CFAP20DC: variants seen among roughly 807,000 people sequenced by gnomAD.
CFAP20DC encodes the protein protein CFAP20DC.
In CFAP20DC, 84 loss-of-function variants were observed where a neutral mutation model predicts 101.7. The observed-to-expected ratio is 0.83, with a 90% CI of 0.69 to 0.99. The LOEUF is 0.99. Among genes scored for constraint, CFAP20DC ranks in the 50% least tolerant of loss-of-function variants. The pLI, the probability that CFAP20DC is intolerant of heterozygous loss-of-function variation, is 0.00. For missense variants in CFAP20DC, 1,007 were observed against 970.3 expected, an observed-to-expected ratio of 1.04 and a Z score of -0.50; for synonymous variants, 359 against 351.2, an observed-to-expected ratio of 1.02 and a Z score of -0.25.
Position 58,890,728 on chromosome 3 carries a change from G to A in CFAP20DC, c.551-6019C>T, listed in dbSNP as rs1173234934. 4.0e-4 allele frequency among the ~76,000 whole-genome samples: 57 copies of A among 143,402 alleles called. 1 individual carries two copies. Among genetic ancestry groups the A allele is most frequent in the Non-Finnish European group, 3.8e-4 (25 of 65,410 alleles). The allele number at this position is 143,402 out of a possible 152,430, so 94.1% of individuals were successfully genotyped here. On this transcript the variant is annotated intron_variant, in intron 6 of 16. Coordinates refer to ENST00000482387, the MANE Select transcript of CFAP20DC (RefSeq NM_001394063.1). The stretch of plus-strand genomic sequence containing the variant: ...TCAGACGGGGCGGCCGGGCAGAGAC[G>A]CTCCTCACCTCCCAGACGGGGTTGC...
intron 14 of CFAP20DC, among the ~76,000 whole-genome samples, chr3:58,820,592 T>G (rs1030707762): frequency 1.3e-5 from 2 of 152,076 alleles, no homozygotes; most frequent in African/African-American, 2.4e-5. Flanking sequence ...ACAAGGGATG[T>G]GAAGGACCTC....
chr3:58,726,392 A>G (rs572217870), intron 3 of CFAP20DC: 5 of 152,820 alleles, frequency 3.3e-5, no homozygotes, highest in Admixed American at 3.3e-4. Context: ...GGGGCACTCT[A>G]CTTATCATAG....
chr3:59,010,802 T>C (rs1223092100), intron 4 of CFAP20DC, among the ~76,000 whole-genome samples: 3 of 152,174 alleles, frequency 2.0e-5, no homozygotes, highest in Non-Finnish European at 4.4e-5. Flanking sequence ...AAACACCATA[T>C]AATAGGCCAA....
At chr3:58,991,252 T>C (rs2092927548) in intron 4 of CFAP20DC, among the ~76,000 whole-genome samples, 1 of 152,158 alleles carries the variant, frequency 6.6e-6, no homozygotes, top group Admixed American at 6.6e-5. Context: ...CAAATACTCA[T>C]CAGTAACCAT....
intron 4 of CFAP20DC, among the ~76,000 whole-genome samples, chr3:58,970,203 G>C (rs1037400462): frequency 6.6e-6 from 1 of 152,052 alleles, no homozygotes; most frequent in African/African-American, 2.4e-5. Context: ...GGGTTGAACT[G>C]TGTCCCCCAC....
Position 58,859,152 on chromosome 3 carries a change from C to A in CFAP20DC, c.1593+4406G>T, listed in dbSNP as rs2079057373. Among the ~76,000 whole-genome samples, 1 of 152,078 alleles carries A rather than the reference C, an allele frequency of 6.6e-6. No homozygotes were observed. Among genetic ancestry groups the A allele is most frequent in the African/African-American group, 2.4e-5 (1 of 41,412 alleles). On this transcript the variant is annotated intron_variant, in intron 12 of 16. Transcript: ENST00000482387. This position sits in a 1 kb window ranked among gnomAD's most constrained non-coding sequence, Gnocchi z 4.1. ...AAACAAATAAAATAAAAGGAAGATACCACAGTTTTAAACAAGTAACTAACC... is the reference window on the plus strand; with the variant it reads ...AAACAAATAAAATAAAAGGAAGATAACACAGTTTTAAACAAGTAACTAACC...
In CFAP20DC at chr3:58,937,740, T is replaced by G; in HGVS notation, c.301A>C (p.Lys101Gln). 6.2e-7 allele frequency: 1 copy of G among 1,602,252 alleles called. No individual in the cohort carries two copies. The highest frequency in any genetic ancestry group is 8.6e-7 in the Non-Finnish European group (1 of 1,169,506). ...ACCGTTGATAAATATAATCTTCTTTTGATGTTCCCTAAATCAGTAATTCTG... is the reference window on the plus strand; with the variant it reads ...ACCGTTGATAAATATAATCTTCTTTGGATGTTCCCTAAATCAGTAATTCTG... Reference protein sequence around the residue: ...ELLITDLGNIKRRLYLSTVHK... With the variant: ...ELLITDLGNIQRRLYLSTVHK... The change falls in exon 5 of 17, where the codon AAA (lysine) becomes CAA (glutamine). Residue 101 changes from lysine (K) to glutamine (Q), a missense_variant. Lys to Gln is a moderately conservative substitution (Grantham distance 53). Coordinates refer to ENST00000482387, the MANE Select transcript of CFAP20DC (RefSeq NM_001394063.1).
chr3:58,807,249 G>A (rs779199950), intron 14 of CFAP20DC, among the ~76,000 whole-genome samples: 1 of 152,166 alleles, frequency 6.6e-6, no homozygotes, highest in South Asian at 2.1e-4. Context: ...TCTGAGAATG[G>A]GCAGACTGCC....
chr3:58,833,242 T>TA (rs1047690749), intron 13 of CFAP20DC, among the ~76,000 whole-genome samples: 1 of 152,202 alleles, frequency 6.6e-6, no homozygotes, highest in African/African-American at 2.4e-5. Flanking sequence ...GAAACTCAGT[T>TA]AAATCCTTAT....
chr3:59,028,896 T>A (rs1014691506), intron 4 of CFAP20DC, among the ~76,000 whole-genome samples: 1 of 152,176 alleles, frequency 6.6e-6, no homozygotes, highest in Non-Finnish European at 1.5e-5. Context: ...ATTATTACTC[T>A]CACCCCATAA....
chr3:58,848,920 C>T, intron 13 of CFAP20DC, 112 bp downstream of exon 13: 3 of 1,272,118 alleles, frequency 2.4e-6, no homozygotes, highest in Non-Finnish European at 3.2e-6. Context: ...GAAAATACAA[C>T]ACTCATCACC....
At chr3:58,825,540 C>CACACACACA (rs1464845191) in intron 14 of CFAP20DC, among the ~76,000 whole-genome samples, 2 of 151,084 alleles carry the variant, frequency 1.3e-5, no homozygotes, top group Non-Finnish European at 3.0e-5. Flanking sequence ...AAAAAGAAAA[C>CACACACACA]ACACACACAC....
chr3:58,833,237 T>G lies in CFAP20DC; in HGVS notation c.1972-1348A>C, dbSNP rs764882073. On this transcript the variant is annotated intron_variant, in intron 13 of 16. Transcript: ENST00000482387. ...TTCCTAAAAAGTTGCCAGTGGAAAC[T>G]CAGTTAAATCCTTATAGTTCATGGC... Among the ~76,000 whole-genome samples the G allele has an allele frequency of 7.7e-4, 118 of 152,312 alleles. 1 individual carries two copies. The highest frequency in any genetic ancestry group is 1.3e-4 in the Non-Finnish European group (9 of 68,032).
intron 6 of CFAP20DC, among the ~76,000 whole-genome samples, chr3:58,888,684 G>T (rs1341331724): frequency 6.6e-6 from 1 of 152,210 alleles, no homozygotes; most frequent in Non-Finnish European, 1.5e-5. Flanking sequence ...GCATTAGTTT[G>T]CTGAGGATAA....
intron 6 of CFAP20DC, among the ~76,000 whole-genome samples, chr3:58,891,448 G>A (rs1187181572): frequency 2.0e-5 from 3 of 151,030 alleles, no homozygotes; most frequent in Non-Finnish European, 3.0e-5. Context: ...AGAGGGAGAG[G>A]GAGAGGGAGA....
intron 4 of CFAP20DC, among the ~76,000 whole-genome samples, chr3:58,969,100 G>T (rs2091783513): frequency 6.6e-6 from 1 of 152,078 alleles, no homozygotes; most frequent in East Asian, 1.9e-4. Flanking sequence ...ATGCGTTTTG[G>T]TTACTGTAGC....
intron 6 of CFAP20DC, among the ~76,000 whole-genome samples, chr3:58,890,157 A>G (rs2082037860): frequency 1.4e-5 from 2 of 145,688 alleles, no homozygotes; most frequent in African/African-American, 5.2e-5. Flanking sequence ...CACCTCCCGG[A>G]CGGGGCGGCT....
chr3:58,753,943 T>C (rs1205902808), intron 15 of CFAP20DC, 80 bp from the exon 16 acceptor site: 2 of 914,574 alleles, frequency 2.2e-6, no homozygotes, highest in Non-Finnish European at 3.4e-6. Flanking sequence ...TTCAGTTCCT[T>C]GGGGCTTCCA....
chr3:59,011,495 C>T (rs2093582951), intron 4 of CFAP20DC, among the ~76,000 whole-genome samples: 1 of 148,830 alleles, frequency 6.7e-6, no homozygotes, highest in Non-Finnish European at 1.5e-5. Context: ...CAAACCCAAA[C>T]TCAGCAGAAG....
Sources: gnomAD v4.1 joint callset for allele counts (sites outside exome capture counted in the v4.1 genomes callset) on GRCh38, gnomAD v4.1.1 for gene constraint, Gnocchi (gnomAD v3.1) non-coding constraint, MANE v1.5 for transcripts, NCBI Gene and HGNC (gene_info 2026-07-23, HGNC 2026-07-21) for gene names.